The following GARIN2 variants were observed in gnomAD, a reference collection of about 807,000 sequenced individuals.
The protein encoded by GARIN2 is golgi associated RAB2 interactor family member 2.
chr14:67,197,704 T>C, the GARIN2 span, among the ~76,000 whole-genome samples: 3 of 152,098 alleles, frequency 2.0e-5, no homozygotes, highest in African/African-American at 4.8e-5. Context: ...CAAAAAGGGA[T>C]TGGAGAATCC....
the GARIN2 span, among the ~76,000 whole-genome samples, chr14:67,222,539 G>C: frequency 2.0e-5 from 3 of 152,180 alleles, no homozygotes; most frequent in African/African-American, 7.2e-5. Flanking sequence ...GCCTCCCAAA[G>C]TGCTGGGATT....
the GARIN2 span, chr14:67,199,698 A>T: frequency 4.4e-6 from 7 of 1,586,020 alleles, no homozygotes; most frequent in Non-Finnish European, 6.1e-6. Context: ...CTGTTTGCAG[A>T]TGCACCTCCT....
At chr14:67,199,727 C>A in the GARIN2 span, 1 of 1,576,144 alleles carries the variant, frequency 6.3e-7, no homozygotes, top group Non-Finnish European at 8.7e-7. Flanking sequence ...TGCCCCCAAT[C>A]CTGTGGTATC....
At chr14:67,192,932 A>C in the GARIN2 span, among the ~76,000 whole-genome samples, 1 of 146,840 alleles carries the variant, frequency 6.8e-6, no homozygotes, top group Non-Finnish European at 1.5e-5. Context: ...GTATATATAG[A>C]TATCTAGATA....
the GARIN2 span, among the ~76,000 whole-genome samples, chr14:67,220,831 G>A: frequency 9.2e-5 from 14 of 152,240 alleles, no homozygotes; most frequent in Admixed American, 4.6e-4. Context: ...AGAAAATTAC[G>A]ATTTTAACAT....
the GARIN2 span, among the ~76,000 whole-genome samples, chr14:67,203,754 C>G: frequency 2.0e-5 from 3 of 152,180 alleles, no homozygotes; most frequent in Non-Finnish European, 4.4e-5. Context: ...GCACTGTCAC[C>G]CAGGCTGGAG....
chr14:67,199,281 T>G, the GARIN2 span: 1 of 1,603,496 alleles, frequency 6.2e-7, no homozygotes, highest in South Asian at 1.1e-5. Flanking sequence ...ATTAAGATCA[T>G]GAACATGATC....
At chr14:67,197,481 T>G in the GARIN2 span, 2 of 152,336 alleles carry the variant, frequency 1.3e-5, no homozygotes, top group South Asian at 4.1e-4. Flanking sequence ...CCAAGATTTA[T>G]TTTCTTCTTT....
At chr14:67,212,012 T>C in the GARIN2 span, among the ~76,000 whole-genome samples, 1 of 152,178 alleles carries the variant, frequency 6.6e-6, no homozygotes, top group South Asian at 2.1e-4. Context: ...GACCTTTTCA[T>C]GTTTCTTATA....
chr14:67,198,300 T>G, the GARIN2 span: 1 of 1,613,452 alleles, frequency 6.2e-7, no homozygotes. Flanking sequence ...TCCTCCCATG[T>G]TAGAGAGCAA....
At chr14:67,216,840 A>G in the GARIN2 span, among the ~76,000 whole-genome samples, 3 of 152,174 alleles carry the variant, frequency 2.0e-5, no homozygotes, top group Non-Finnish European at 4.4e-5. Flanking sequence ...CATATAGTCA[A>G]TCCTGGAGAA....
At chr14:67,202,623 A>G in the GARIN2 span, among the ~76,000 whole-genome samples, 1 of 152,194 alleles carries the variant, frequency 6.6e-6, no homozygotes, top group Non-Finnish European at 1.5e-5. Context: ...AATTGGCTCT[A>G]TGGAATTTAA....
the GARIN2 span, among the ~76,000 whole-genome samples, chr14:67,190,873 T>C: frequency 6.6e-6 from 1 of 152,176 alleles, no homozygotes; most frequent in Non-Finnish European, 1.5e-5. Context: ...TGGGAATAAT[T>C]AACCTCAAAG....
the GARIN2 span, among the ~76,000 whole-genome samples, chr14:67,198,509 G>C: frequency 1.3e-5 from 2 of 152,166 alleles, no homozygotes; most frequent in Non-Finnish European, 2.9e-5. Context: ...TACTTCAAAT[G>C]TCCCCAAAAC....
chr14:67,197,885 C>T, the GARIN2 span, among the ~76,000 whole-genome samples: 1 of 152,042 alleles, frequency 6.6e-6, no homozygotes, highest in Non-Finnish European at 1.5e-5. Flanking sequence ...CCTGATAGTC[C>T]CTATCATCCA....
At chr14:67,224,732 A>G in the GARIN2 span, 45,461 of 273,542 alleles carry the variant, frequency 0.17, 6,738 homozygotes, top group East Asian at 0.44. Context: ...AAGAAGAGAA[A>G]GAAAAATCAC....
At chr14:67,205,068 C>T in the GARIN2 span, 1 of 1,550,652 alleles carries the variant, frequency 6.4e-7, no homozygotes, top group South Asian at 1.2e-5. Context: ...ATGACTTAAT[C>T]AGGGCCAAGC....
the GARIN2 span, among the ~76,000 whole-genome samples, chr14:67,210,693 G>C: frequency 6.6e-6 from 1 of 151,534 alleles, no homozygotes; most frequent in African/African-American, 2.4e-5. Context: ...CATTCATTGG[G>C]AGACAGTTTA....
the GARIN2 span, chr14:67,204,393 C>T: frequency 1.3e-5 from 15 of 1,159,658 alleles, no homozygotes; most frequent in South Asian, 2.0e-4. Context: ...GAGCCATGAT[C>T]GCATCACCAC....
Sources: allele counts gnomAD v4.1 joint callset (sites outside exome capture counted in the v4.1 genomes callset), GRCh38; gene constraint gnomAD v4.1.1; transcripts MANE v1.5; gene names NCBI Gene and HGNC (gene_info 2026-07-23, HGNC 2026-07-21).